Variants in CNTN5 observed in about 807,000 individuals in gnomAD.
CNTN5 encodes the protein contactin 5.
A neutral mutation model predicts 129.1 loss-of-function variants in CNTN5; 77 were observed. The observed-to-expected ratio is 0.60, with a 90% CI of 0.50 to 0.72. CNTN5 has a LOEUF of 0.72. CNTN5 is among the 30% of genes least tolerant of loss of function. The pLI is 0.00. For missense variants in CNTN5, 1,478 were observed against 1,328.8 expected (o/e 1.11, Z -1.75); for synonymous variants, 509 against 465.6 (o/e 1.09, Z -1.20).
intron 23 of CNTN5, among the ~76,000 whole-genome samples, chr11:100,347,988 A>G (rs986344485): frequency 1.3e-5 from 2 of 152,088 alleles, no homozygotes; most frequent in Non-Finnish European, 2.9e-5. Context: ...GCCTTTGAGA[A>G]TAGCAATACC....
chr11:100,106,556 C>T (rs147284746), intron 13 of CNTN5, among the ~76,000 whole-genome samples: 2,620 of 152,218 alleles, frequency 0.017, 31 homozygotes, highest in Middle Eastern at 0.045. Flanking sequence ...CAACAACATA[C>T]ATGCCAGAAT....
At chr11:99,527,283 G>C (rs1472884465) in intron 2 of CNTN5, among the ~76,000 whole-genome samples, 3 of 152,072 alleles carry the variant, frequency 2.0e-5, no homozygotes, top group African/African-American at 7.2e-5. Context: ...TAGTCTTCAG[G>C]GTTTCCTTTC....
intron 15 of CNTN5, among the ~76,000 whole-genome samples, chr11:100,194,934 C>A (rs1948596459): frequency 6.7e-6 from 1 of 150,348 alleles, no homozygotes; most frequent in African/African-American, 2.4e-5. Flanking sequence ...AAATAAGAAA[C>A]AATTGCCAAC....
intron 3 of CNTN5, among the ~76,000 whole-genome samples, chr11:99,798,465 A>G (rs1462600768): frequency 6.6e-6 from 1 of 152,178 alleles, no homozygotes; most frequent in East Asian, 1.9e-4. Context: ...TCAAGGGTCC[A>G]GGTCATTCTT....
chr11:99,499,908 C>G, intron 2 of CNTN5, among the ~76,000 whole-genome samples: 1 of 152,058 alleles, frequency 6.6e-6, no homozygotes, highest in East Asian at 1.9e-4. Flanking sequence ...AAAAGTTAGA[C>G]TTACGTAAAA....
chr11:99,835,030 C>T (rs528861022), intron 4 of CNTN5, among the ~76,000 whole-genome samples: 249 of 152,226 alleles, frequency 1.6e-3, no homozygotes, highest in African/African-American at 5.8e-3. Flanking sequence ...GTTTGAAGAC[C>T]TATTGCTTCC....
At chr11:99,486,650 A>T (rs985593985) in intron 2 of CNTN5, among the ~76,000 whole-genome samples, 4 of 152,158 alleles carry the variant, frequency 2.6e-5, no homozygotes, top group Non-Finnish European at 5.9e-5. Flanking sequence ...AAAACCTAAA[A>T]ATGTAGTTTA....
At chr11:99,594,458 C>G (rs1379287552) in intron 3 of CNTN5, among the ~76,000 whole-genome samples, 2 of 152,164 alleles carry the variant, frequency 1.3e-5, no homozygotes, top group Non-Finnish European at 1.5e-5. Flanking sequence ...TGTGTAAGCT[C>G]AATTCATAGC....
At chr11:99,894,765 GA>G (rs769101808) in intron 6 of CNTN5, among the ~76,000 whole-genome samples, 97 of 152,150 alleles carry the variant, frequency 6.4e-4, no homozygotes, top group Non-Finnish European at 8.7e-4. Context: ...TGATAATTTT[GA>G]AATCCAAAGT....
intron 1 of CNTN5, among the ~76,000 whole-genome samples, chr11:99,198,626 G>T (rs1178165651): frequency 6.6e-6 from 1 of 152,106 alleles, no homozygotes; most frequent in Admixed American, 6.5e-5. Flanking sequence ...AGCTTATAAT[G>T]ATTTAAATGT....
At chr11:99,893,082 C>T (rs1949107558) in intron 6 of CNTN5, among the ~76,000 whole-genome samples, 1 of 152,250 alleles carries the variant, frequency 6.6e-6, no homozygotes, top group South Asian at 2.1e-4. Context: ...AGATTGAGGA[C>T]TGAGATCAAC....
chr11:100,266,255 T>C (rs1565383737), intron 17 of CNTN5, among the ~76,000 whole-genome samples: 1 of 152,078 alleles, frequency 6.6e-6, no homozygotes, highest in East Asian at 1.9e-4. Flanking sequence ...TGTGATTCTT[T>C]TGCTTGGAAA....
At chr11:100,071,960 C>T in intron 12 of CNTN5, 126 bp downstream of exon 12, 1 of 856,956 alleles carries the variant, frequency 1.2e-6, no homozygotes, top group Non-Finnish European at 1.7e-6. Flanking sequence ...AAAAGAAATA[C>T]TATGTCTTGC....
intron 20 of CNTN5, among the ~76,000 whole-genome samples, chr11:100,300,260 G>T (rs1201177917): frequency 6.6e-6 from 1 of 151,454 alleles, no homozygotes; most frequent in Non-Finnish European, 1.5e-5. Context: ...TTTTCTGGGT[G>T]AAAGTATAAT....
At chr11:99,028,914 C>G (rs1191203148) in intron 1 of CNTN5, among the ~76,000 whole-genome samples, 1 of 151,670 alleles carries the variant, frequency 6.6e-6, no homozygotes, top group Admixed American at 6.6e-5. Context: ...TGGCAGAAGT[C>G]ATAGTAAACA....
chr11:99,819,407 C>G, intron 3 of CNTN5, 137 bp from the exon 4 acceptor site: 1 of 660,718 alleles, frequency 1.5e-6, no homozygotes, highest in Non-Finnish European at 2.5e-6. Flanking sequence ...CATTTTTTCA[C>G]ACTCTCACTG....
At chr11:99,283,159 C>T (rs760684709) in intron 1 of CNTN5, among the ~76,000 whole-genome samples, 22 of 152,080 alleles carry the variant, frequency 1.4e-4, no homozygotes, top group South Asian at 4.1e-4. Flanking sequence ...AGTTCTCATG[C>T]TGTGACCACT....
intron 1 of CNTN5, among the ~76,000 whole-genome samples, chr11:99,233,979 T>G (rs754863681): frequency 6.6e-6 from 1 of 152,066 alleles, no homozygotes; most frequent in Non-Finnish European, 1.5e-5. Context: ...TAATAATTTG[T>G]TTTAACATTT....
At chr11:99,118,282 T>C (rs559779562) in intron 1 of CNTN5, among the ~76,000 whole-genome samples, 3 of 152,238 alleles carry the variant, frequency 2.0e-5, no homozygotes, top group South Asian at 2.1e-4. Context: ...AGTGGGTGTG[T>C]ATTGGTATAT....
Sources: allele counts gnomAD v4.1 joint callset (sites outside exome capture counted in the v4.1 genomes callset), GRCh38; gene constraint gnomAD v4.1.1; transcripts MANE v1.5; gene names NCBI Gene and HGNC (gene_info 2026-07-23, HGNC 2026-07-21).